The following TPTE variants were observed in gnomAD, a reference collection of about 807,000 sequenced individuals.
The protein encoded by TPTE is transmembrane phosphatase with tensin homology.
Under a neutral mutation model 84.1 loss-of-function variants are expected in TPTE, and 59 were observed. That is an observed-to-expected ratio of 0.70 (90% CI 0.57 to 0.87). The LOEUF (loss-of-function observed/expected upper bound fraction) is 0.87, where lower values mean the gene tolerates loss of function less well. Among genes scored for constraint, TPTE ranks in the 40% least tolerant of loss-of-function variants. The probability of loss-of-function intolerance (pLI) is 0.00; values close to 1 mark genes in which losing one functional copy is unlikely to be tolerated. For missense variants in TPTE, 382 were observed against 659.6 expected (o/e 0.58, Z 4.61); for synonymous variants, 130 against 223.5 (o/e 0.58, Z 3.73).
At position 10,602,164 on chromosome 21, in the gene TPTE, AAGT is replaced by A; in HGVS notation, c.1449+17_1449+19del. The stretch of plus-strand genomic sequence containing the variant: ...TTTTTCTATTCGGTGAGTAATCACA[AAGT>A]AGCCTCTGCCATTGTTCTTGTCTGG... On this transcript the variant is annotated intron_variant, in intron 22 of 23. Transcript: ENST00000618007. The A allele has an allele frequency of 6.2e-7, 1 of 1,605,582 alleles. No individual in the cohort carries two copies. The highest frequency in any genetic ancestry group is 8.5e-7 in the Non-Finnish European group (1 of 1,172,216).
At chr21:10,545,440 T>C (rs1231645845) in intron 7 of TPTE, among the ~76,000 whole-genome samples, 1 of 152,304 alleles carries the variant, frequency 6.6e-6, no homozygotes, top group East Asian at 1.9e-4. Flanking sequence ...TGTACATAAT[T>C]TCAACCAGAA....
chr21:10,604,269 C>A (rs1978991275), intron 23 of TPTE, among the ~76,000 whole-genome samples: 2 of 152,428 alleles, frequency 1.3e-5, no homozygotes, highest in Admixed American at 6.5e-5. Context: ...AAACTCATTT[C>A]TCAGTCTAGA....
At chr21:10,592,592 C>T (rs1282058961) in intron 19 of TPTE, among the ~76,000 whole-genome samples, 1 of 152,308 alleles carries the variant, frequency 6.6e-6, no homozygotes, top group South Asian at 2.1e-4. Flanking sequence ...ATCCTGCTTT[C>T]TATTCTATAC....
At chr21:10,577,213 A>G (rs1479590660) in intron 14 of TPTE, among the ~76,000 whole-genome samples, 1 of 152,308 alleles carries the variant, frequency 6.6e-6, no homozygotes, top group Non-Finnish European at 1.5e-5. Context: ...TACTTATCTG[A>G]TAGCTTTAAA....
intron 15 of TPTE, among the ~76,000 whole-genome samples, chr21:10,578,110 C>G (rs2075196182): frequency 6.6e-6 from 1 of 152,308 alleles, no homozygotes; most frequent in Non-Finnish European, 1.5e-5. Flanking sequence ...AAAATTATAC[C>G]TATTAAACAA....
chr21:10,524,190 C>T (rs569891773), intron 1 of TPTE, among the ~76,000 whole-genome samples: 316 of 152,264 alleles, frequency 2.1e-3, no homozygotes, highest in African/African-American at 7.5e-3. Context: ...CCCATCCCAT[C>T]CTCTGCCCTC....
At chr21:10,557,854 G>C (rs1255259442) in intron 8 of TPTE, among the ~76,000 whole-genome samples, 1 of 152,298 alleles carries the variant, frequency 6.6e-6, no homozygotes, top group Admixed American at 6.5e-5. Context: ...TCATCATCCA[G>C]GTATTAAGCT....
chr21:10,564,041 C>G (rs1185229509), intron 10 of TPTE, among the ~76,000 whole-genome samples: 2 of 152,308 alleles, frequency 1.3e-5, no homozygotes, highest in African/African-American at 4.8e-5. Context: ...GTAGTCCCAG[C>G]TACTCAGGAG....
chr21:10,542,365 C>G (rs575087533), intron 5 of TPTE, 30 bp from the exon 6 acceptor site: 27 of 1,608,358 alleles, frequency 1.7e-5, no homozygotes, highest in South Asian at 3.3e-5. Flanking sequence ...TATGTCTCCT[C>G]TCTGACTGTT....
chr21:10,564,425 A>G (rs566752196), intron 10 of TPTE, among the ~76,000 whole-genome samples: 8 of 152,408 alleles, frequency 5.2e-5, no homozygotes, highest in Admixed American at 3.9e-4. Flanking sequence ...CCGGAGAATC[A>G]CTTGAACCTG....
At chr21:10,530,444 G>A (rs2074157758) in intron 3 of TPTE, among the ~76,000 whole-genome samples, 2 of 152,306 alleles carry the variant, frequency 1.3e-5, no homozygotes, top group African/African-American at 2.4e-5. Context: ...TTACTTAAAT[G>A]GTATTAAGTT....
In TPTE at chr21:10,524,606, C is replaced by T. The variant is rs1281898015; in HGVS notation, c.-184C>T. The T allele has an allele frequency of 2.6e-5, 4 of 152,686 alleles. No individual in the cohort carries two copies. The highest frequency in any genetic ancestry group is 1.9e-4 in the East Asian group (1 of 5,218). The allele number at this position is 152,686 out of a possible 1,614,324, so 9.5% of individuals were successfully genotyped here. ...GAATGTTGGACCGACGACACAAGAC[C>T]TCAGACTTGTGTTATTCTAGCAGCT... On this transcript the variant is annotated 5_prime_UTR_variant, in exon 2 of 24. Coordinates refer to ENST00000618007, the MANE Select transcript of TPTE (RefSeq NM_199261.4).
chr21:10,528,350 T>TA (rs1470748527), intron 3 of TPTE, among the ~76,000 whole-genome samples: 1 of 152,306 alleles, frequency 6.6e-6, no homozygotes, highest in African/African-American at 2.4e-5. Flanking sequence ...TGGGAGGAAT[T>TA]CAGGTTTGTG....
At chr21:10,551,994 C>T (rs1213007617) in intron 7 of TPTE, among the ~76,000 whole-genome samples, 1 of 152,310 alleles carries the variant, frequency 6.6e-6, no homozygotes, top group African/African-American at 2.4e-5. Context: ...CCATTTGCTA[C>T]AGCAAACTTC....
chr21:10,604,756 T>C (rs1979064967), intron 23 of TPTE, among the ~76,000 whole-genome samples: 1 of 152,310 alleles, frequency 6.6e-6, no homozygotes, highest in African/African-American at 2.4e-5. Context: ...TTTTTTCCTT[T>C]AAAACACTAT....
intron 4 of TPTE, chr21:10,540,887 ATCTG>A: frequency 1.4e-6 from 1 of 695,354 alleles, no homozygotes; most frequent in South Asian, 1.4e-5. Flanking sequence ...CCCTTACTTA[ATCTG>A]CATGCATCGC....
intron 4 of TPTE, among the ~76,000 whole-genome samples, chr21:10,540,329 T>C (rs550034822): frequency 9.8e-5 from 15 of 152,418 alleles, no homozygotes; most frequent in Admixed American, 9.1e-4. Flanking sequence ...GGAGTTCCCT[T>C]GAAACTATTT....
At chr21:10,597,787 TA>T in intron 20 of TPTE, among the ~76,000 whole-genome samples, 1 of 150,796 alleles carries the variant, frequency 6.6e-6, no homozygotes, top group East Asian at 1.9e-4. Context: ...GAACTATATG[TA>T]TTTTTTTTCC....
In TPTE at chr21:10,598,055, A is replaced by G; in HGVS notation, c.1317A>G (p.Lys439=). ...TAAAAATCCAAATAGAAATGGAGAA[A>G]AAGGTTGTCTTTTCCACTATTTCAT... The part of the protein sequence containing the change: ...RDLKIQIEME[K]KVVFSTISLG... Residue 439 remains lysine (K), a synonymous_variant, in exon 21 of 24, where the codon AAA becomes AAG. Coordinates refer to ENST00000618007, the MANE Select transcript of TPTE (RefSeq NM_199261.4). The G allele has an allele frequency of 6.2e-7, 1 of 1,613,836 alleles. No individual in the cohort carries two copies. Among genetic ancestry groups the G allele is most frequent in the South Asian group, 1.1e-5 (1 of 91,076 alleles).
Sources: allele counts gnomAD v4.1 joint callset (sites outside exome capture counted in the v4.1 genomes callset), GRCh38; gene constraint gnomAD v4.1.1; transcripts MANE v1.5; gene names NCBI Gene and HGNC (gene_info 2026-07-23, HGNC 2026-07-21).